Variants in CNTN4 observed in about 807,000 individuals in gnomAD.
CNTN4 encodes contactin-4.
CNTN4 carries 77 observed loss-of-function variants against 122.5 expected under a neutral mutation model. That is an observed-to-expected ratio of 0.63 (90% CI 0.52 to 0.76). The LOEUF is 0.76. Ranked by LOEUF, CNTN4 falls within the 30% of genes least tolerant of loss-of-function variation. The probability of loss-of-function intolerance (pLI) is 0.00; values close to 1 mark genes in which losing one functional copy is unlikely to be tolerated. For synonymous variants in CNTN4, 512 were observed against 447.0 expected (o/e 1.15, Z -1.83); for missense variants, 1,256 against 1,259.1 (o/e 1.00, Z 0.04).
intron 3 of CNTN4, among the ~76,000 whole-genome samples, chr3:2,394,093 T>C (rs1361661781): frequency 6.6e-6 from 1 of 151,880 alleles, no homozygotes; most frequent in African/African-American, 2.4e-5. Context: ...AATCCAAAGC[T>C]CATCAATGAA....
At chr3:2,919,198 A>AAAAAG (rs1553693186) in intron 12 of CNTN4, among the ~76,000 whole-genome samples, 3 of 151,160 alleles carry the variant, frequency 2.0e-5, no homozygotes, top group Non-Finnish European at 4.4e-5. Context: ...ACAAAAAAAA[A>AAAAAG]AAAAATTGCC....
chr3:2,834,480 T>G (rs962345724), intron 7 of CNTN4, among the ~76,000 whole-genome samples: 30 of 152,090 alleles, frequency 2.0e-4, no homozygotes, highest in African/African-American at 6.0e-4. Flanking sequence ...GGCAGGAGAA[T>G]TGCTTGAACC....
intron 3 of CNTN4, among the ~76,000 whole-genome samples, chr3:2,551,138 G>T (rs2078486743): frequency 6.6e-6 from 1 of 152,010 alleles, no homozygotes; most frequent in South Asian, 2.1e-4. Flanking sequence ...AGCAGAATCT[G>T]TCAGCTCCCT....
chr3:2,368,273 C>T (rs1575476927), intron 3 of CNTN4, among the ~76,000 whole-genome samples: 1 of 151,912 alleles, frequency 6.6e-6, no homozygotes, highest in African/African-American at 2.4e-5. Flanking sequence ...ACCTCATGAT[C>T]CGCCCGCCTC....
At chr3:2,407,068 TC>T (rs1186869657) in intron 3 of CNTN4, among the ~76,000 whole-genome samples, 1 of 152,212 alleles carries the variant, frequency 6.6e-6, no homozygotes, top group Non-Finnish European at 1.5e-5. Flanking sequence ...AAGATATCTT[TC>T]TTCGTCTAAC....
At chr3:3,016,633 G>C (rs372892793) in intron 14 of CNTN4, among the ~76,000 whole-genome samples, 3 of 152,098 alleles carry the variant, frequency 2.0e-5, no homozygotes, top group Non-Finnish European at 4.4e-5. Context: ...AAGAGCATTC[G>C]AGCATCATTA....
intron 7 of CNTN4, among the ~76,000 whole-genome samples, chr3:2,865,050 A>T (rs901478607): frequency 1.3e-5 from 2 of 152,166 alleles, no homozygotes; most frequent in Non-Finnish European, 2.9e-5. Flanking sequence ...ACAATGTATT[A>T]TAGGGGCTTT....
At chr3:2,794,699 C>T (rs1053956571) in intron 6 of CNTN4, among the ~76,000 whole-genome samples, 5 of 152,200 alleles carry the variant, frequency 3.3e-5, no homozygotes, top group African/African-American at 1.2e-4. Context: ...TCTGTTTAGG[C>T]TGCTGTAAGC....
At chr3:2,533,946 T>C (rs1375743174) in intron 3 of CNTN4, among the ~76,000 whole-genome samples, 2 of 145,190 alleles carry the variant, frequency 1.4e-5, no homozygotes, top group Non-Finnish European at 3.0e-5. Flanking sequence ...TGCCCACTTT[T>C]TGATGGTTTT....
At position 2,819,373 on chromosome 3, in the gene CNTN4, G is replaced by A. The variant is rs1421984724; in HGVS notation, c.359-113G>A. 3 of 789,506 alleles carry A rather than the reference G, an allele frequency of 3.8e-6. No individual in the cohort carries two copies. In the African/African-American group the frequency reaches 5.1e-5, roughly 13 times the overall value. 48.9% of individuals were successfully genotyped at this position (789,506 alleles called of 1,614,324 possible). A position where few individuals can be genotyped will look rare whatever the true frequency, so the allele number is the denominator to read the frequency against. On this transcript the variant is annotated intron_variant, in intron 6 of 24. Transcript: ENST00000418658. Reference sequence around the variant, plus strand: ...GCTCTCCTGAATTCCCCCGGTATGGGTGCTACCAACGCAGTTTTGAGCAGA... The same window carrying A: ...GCTCTCCTGAATTCCCCCGGTATGGATGCTACCAACGCAGTTTTGAGCAGA...
chr3:2,867,638 T>A (rs528671272), intron 8 of CNTN4, among the ~76,000 whole-genome samples: 5 of 152,030 alleles, frequency 3.3e-5, no homozygotes, highest in Non-Finnish European at 7.4e-5. Flanking sequence ...AGTCCCATCC[T>A]CTCAGCTTCT....
At chr3:2,514,040 A>G (rs1279697752) in intron 3 of CNTN4, among the ~76,000 whole-genome samples, 1 of 152,208 alleles carries the variant, frequency 6.6e-6, no homozygotes. Context: ...ACCCAAGTAC[A>G]CTAGCTCTTT....
Position 2,689,529 on chromosome 3 carries a change from G to T in CNTN4, c.56-46686G>T, listed in dbSNP as rs78054364. Among the ~76,000 whole-genome samples the T allele has an allele frequency of 2.6e-3, 390 of 152,188 alleles. 6 individuals carry two copies. The East Asian group carries it at 0.037, about 14-fold the overall frequency. On this transcript the variant is annotated intron_variant, in intron 4 of 24. Coordinates refer to ENST00000418658, the MANE Select transcript of CNTN4 (RefSeq NM_175607.3). ...GCCTCAACCCATTTGTCTGCATCTT[G>T]CCAGAGACCACCTGCTTTTCAATGA...
chr3:2,962,584 G>A (rs548488244), intron 13 of CNTN4, among the ~76,000 whole-genome samples: 3 of 152,318 alleles, frequency 2.0e-5, no homozygotes, highest in African/African-American at 4.8e-5. Flanking sequence ...TATATTTACA[G>A]GAATAGTTTG....
At chr3:2,409,141 T>G (rs964718110) in intron 3 of CNTN4, among the ~76,000 whole-genome samples, 4 of 152,176 alleles carry the variant, frequency 2.6e-5, no homozygotes, top group African/African-American at 9.6e-5. Flanking sequence ...TTCTAAAATT[T>G]TATTAATTCC....
intron 3 of CNTN4, among the ~76,000 whole-genome samples, chr3:2,494,557 C>G (rs995350038): frequency 1.3e-5 from 2 of 152,136 alleles, no homozygotes; most frequent in Admixed American, 6.5e-5. Context: ...GTAAATGTCT[C>G]TTATCAGACC....
At chr3:2,368,358 C>T (rs780219644) in intron 3 of CNTN4, among the ~76,000 whole-genome samples, 3 of 151,984 alleles carry the variant, frequency 2.0e-5, no homozygotes, top group South Asian at 2.1e-4. Flanking sequence ...CCTCTCATTT[C>T]GAGGCTTCTG....
intron 4 of CNTN4, among the ~76,000 whole-genome samples, chr3:2,660,015 G>C (rs768477379): frequency 6.6e-6 from 1 of 152,074 alleles, no homozygotes; most frequent in African/African-American, 2.4e-5. Context: ...ATAGCATGAC[G>C]ATCTGATGCA....
At chr3:2,584,877 G>A (rs1404856525) in intron 4 of CNTN4, among the ~76,000 whole-genome samples, 26 of 151,852 alleles carry the variant, frequency 1.7e-4, no homozygotes, top group Admixed American at 1.7e-3. Context: ...GTGGTAGGTA[G>A]GTAGGTAGAT....
Sources: gnomAD v4.1 joint callset for allele counts (sites outside exome capture counted in the v4.1 genomes callset) on GRCh38, gnomAD v4.1.1 for gene constraint, MANE v1.5 for transcripts, NCBI Gene and HGNC (gene_info 2026-07-23, HGNC 2026-07-21) for gene names.